The following ZFPM2 variants were observed in gnomAD, a reference collection of about 807,000 sequenced individuals.
ZFPM2 encodes the protein zinc finger protein, FOG family member 2.
In ZFPM2, 20 loss-of-function variants were observed where a neutral mutation model predicts 98.6. The ratio of observed to expected loss-of-function variants is 0.20; its 90% confidence interval spans 0.14 to 0.29. The LOEUF (loss-of-function observed/expected upper bound fraction) is 0.29. ZFPM2 is among the 10% of genes least tolerant of loss of function. The probability of loss-of-function intolerance (pLI) is 1.00; values close to 1 mark genes in which losing one functional copy is unlikely to be tolerated. For missense variants in ZFPM2, 1,310 were observed against 1,388.6 expected, an observed-to-expected ratio of 0.94 and a Z score of 0.90; for synonymous variants, 518 against 502.7, an observed-to-expected ratio of 1.03 and a Z score of -0.41.
chr8:105,506,817 C>G (rs1813708390), intron 3 of ZFPM2, among the ~76,000 whole-genome samples: 1 of 151,962 alleles, frequency 6.6e-6, no homozygotes, highest in African/African-American at 2.4e-5. Context: ...GAAACCCCGT[C>G]TCTACTAAAA....
chr8:105,789,125 T>G, intron 6 of ZFPM2: 2 of 491,024 alleles, frequency 4.1e-6, no homozygotes, highest in South Asian at 6.5e-5. Flanking sequence ...AGGATACATG[T>G]GCACAATGTG....
rs1811949962 is a variant in ZFPM2 at position 105,318,506 on chromosome 8, AG to A, written c.-432del. Among the ~76,000 whole-genome samples the A allele has an allele frequency of 6.8e-6, 1 of 147,530 alleles. No individual in the cohort carries two copies. The highest frequency in any genetic ancestry group is 2.5e-5 in the African/African-American group (1 of 39,940). ...AGTATCCGTCCCGCACGCCGGGGCG[AG>A]GGGCGAGCGAGCGCGCTCCTCCTCC... On this transcript the variant is annotated 5_prime_UTR_variant, in exon 1 of 8. Transcript: ENST00000407775.
At chr8:105,429,088 G>C (rs1429472753) in intron 2 of ZFPM2, among the ~76,000 whole-genome samples, 1 of 152,152 alleles carries the variant, frequency 6.6e-6, no homozygotes, top group African/African-American at 2.4e-5. Flanking sequence ...AATTTATCAA[G>C]CTGGAAATCT....
At chr8:105,591,201 C>T (rs572209588) in intron 4 of ZFPM2, among the ~76,000 whole-genome samples, 91 of 151,248 alleles carry the variant, frequency 6.0e-4, no homozygotes, top group African/African-American at 2.0e-3. Flanking sequence ...GAACAATAAA[C>T]TTTATATAAT....
At chr8:105,407,871 A>G (rs1223831758) in intron 1 of ZFPM2, among the ~76,000 whole-genome samples, 2 of 151,970 alleles carry the variant, frequency 1.3e-5, no homozygotes, top group East Asian at 1.9e-4. Flanking sequence ...TTCTTCCTGC[A>G]TATGATGCCA....
chr8:105,422,771 A>G (rs1811830400), intron 2 of ZFPM2, among the ~76,000 whole-genome samples: 1 of 152,216 alleles, frequency 6.6e-6, no homozygotes, highest in African/African-American at 2.4e-5. Flanking sequence ...TCAGGGGAGC[A>G]TACTGAGGAT....
At chr8:105,799,493 A>G (rs1012032514) in intron 7 of ZFPM2, among the ~76,000 whole-genome samples, 2 of 152,162 alleles carry the variant, frequency 1.3e-5, no homozygotes, top group African/African-American at 4.8e-5. Flanking sequence ...ATGACATTAA[A>G]CTACTTTTAG....
chr8:105,372,558 C>A (rs878921063), intron 1 of ZFPM2, among the ~76,000 whole-genome samples: 2 of 151,984 alleles, frequency 1.3e-5, no homozygotes, highest in Admixed American at 1.3e-4. Context: ...ACTGAGCTTT[C>A]TAGGTAAATA....
intron 5 of ZFPM2, among the ~76,000 whole-genome samples, chr8:105,695,544 A>C (rs2130947303): frequency 6.6e-6 from 1 of 152,240 alleles, no homozygotes; most frequent in South Asian, 2.1e-4. Flanking sequence ...TTTGGGTTAC[A>C]TCTGGATGAT....
chr8:105,710,865 T>A (rs1811376193), intron 5 of ZFPM2, among the ~76,000 whole-genome samples: 1 of 152,108 alleles, frequency 6.6e-6, no homozygotes, highest in African/African-American at 2.4e-5. Flanking sequence ...AATAGTAACT[T>A]ATTCGTAAGG....
intron 2 of ZFPM2, among the ~76,000 whole-genome samples, chr8:105,441,482 G>GAAAGAAAGAAAGAAAAGAAAAGAAAAGA (rs1554604999): frequency 5.9e-5 from 5 of 85,406 alleles, no homozygotes; most frequent in African/African-American, 3.9e-4. Context: ...AAGAAAGAAA[G>GAAAGAAAGAAAGAAAAGAAAAGAAAAGA]AAAGAAAGAA....
intron 1 of ZFPM2, among the ~76,000 whole-genome samples, chr8:105,408,446 C>T (rs918415796): frequency 4.0e-5 from 6 of 151,678 alleles, no homozygotes; most frequent in African/African-American, 9.7e-5. Context: ...ATAATTAGAG[C>T]GGATTGAACA....
intron 5 of ZFPM2, among the ~76,000 whole-genome samples, chr8:105,779,696 A>G (rs568560666): frequency 9.8e-5 from 15 of 152,298 alleles, no homozygotes; most frequent in African/African-American, 3.6e-4. Flanking sequence ...TGTGTTTATC[A>G]TGTTTGCTAA....
At chr8:105,727,937 T>C (rs1477156880) in intron 5 of ZFPM2, among the ~76,000 whole-genome samples, 2 of 148,700 alleles carry the variant, frequency 1.3e-5, no homozygotes, top group East Asian at 2.0e-4. Context: ...TAAAGTAAAG[T>C]AAGATCATAG....
rs545453076 is a variant in ZFPM2 at position 105,353,785 on chromosome 8, C to A, written c.40+34804C>A. Among the ~76,000 whole-genome samples, 5 of 152,270 alleles carry A rather than the reference C, an allele frequency of 3.3e-5. No homozygotes were observed. In the East Asian group the frequency reaches 9.7e-4, roughly 29 times the overall value. On this transcript the variant is annotated intron_variant, in intron 1 of 7. Transcript: ENST00000407775. ...TCCTATGTTAGCAGTCTTCACATTG[C>A]CCTTTAGTGTTTGCTTAAAATTTTT...
intron 1 of ZFPM2, among the ~76,000 whole-genome samples, chr8:105,409,131 C>T (rs1811525012): frequency 1.3e-5 from 2 of 151,796 alleles, no homozygotes; most frequent in Non-Finnish European, 2.9e-5. Flanking sequence ...TACCCTTGCT[C>T]ATGTCTCAGG....
rs376797302 is a variant in ZFPM2, at chr8:105,665,835, CTAAA to C, written c.532+31481_532+31484del. Among the ~76,000 whole-genome samples, 130 of 152,100 alleles carry C rather than the reference CTAAA, an allele frequency of 8.5e-4. 1 individual carries two copies. Among genetic ancestry groups the C allele is most frequent in the African/African-American group, 3.0e-3 (123 of 41,486 alleles). On this transcript the variant is annotated intron_variant, in intron 5 of 7. Coordinates refer to ENST00000407775, the MANE Select transcript of ZFPM2 (RefSeq NM_012082.4). Reference sequence around the variant, plus strand: ...ATAAGATTATTTGGGGATTAAATAACTAAATATAAGTAAAGGAAGGGCTTGTATG... The same window carrying C: ...ATAAGATTATTTGGGGATTAAATAACTATAAGTAAAGGAAGGGCTTGTATG...
intron 1 of ZFPM2, among the ~76,000 whole-genome samples, chr8:105,349,603 A>C (rs1214234864): frequency 6.6e-6 from 1 of 152,156 alleles, no homozygotes; most frequent in Non-Finnish European, 1.5e-5. Flanking sequence ...ATGATTTAAG[A>C]CCTTCTAGAA....
chr8:105,770,500 A>G (rs2131089851), intron 5 of ZFPM2, among the ~76,000 whole-genome samples: 1 of 152,256 alleles, frequency 6.6e-6, no homozygotes, highest in South Asian at 2.1e-4. Context: ...CTCATGACCA[A>G]GGATTCCGCC....
Sources: allele counts gnomAD v4.1 joint callset (sites outside exome capture counted in the v4.1 genomes callset), GRCh38; gene constraint gnomAD v4.1.1; transcripts MANE v1.5; gene names NCBI Gene and HGNC (gene_info 2026-07-23, HGNC 2026-07-21).